The following LRRC8C variants were observed in gnomAD, a reference collection of about 807,000 sequenced individuals.
LRRC8C encodes the protein volume-regulated anion channel subunit LRRC8C.
Under a neutral mutation model 55.3 loss-of-function variants are expected in LRRC8C, and 20 were observed. The ratio of observed to expected loss-of-function variants is 0.36; its 90% CI spans 0.25 to 0.53. LRRC8C has a LOEUF of 0.53. LRRC8C is among the 20% of genes least tolerant of loss of function. The pLI is 0.92. For synonymous variants in LRRC8C, 376 were observed against 360.7 expected (o/e 1.04, Z -0.48); for missense variants, 659 against 951.4 (o/e 0.69, Z 4.04).
At chr1:89,627,709 C>T in the LRRC8C span, among the ~76,000 whole-genome samples, 2 of 152,206 alleles carry the variant, frequency 1.3e-5, no homozygotes, top group African/African-American at 4.8e-5. Context: ...AACTCTTCTA[C>T]TCACTGATTA....
rs964606884 is a variant in LRRC8C at position 89,719,402 on chromosome 1, A to G, written c.*4420A>G. 1 of 151,854 alleles carries G rather than the reference A, an allele frequency of 6.6e-6. No homozygotes were observed. Among genetic ancestry groups the G allele is most frequent in the African/African-American group, 2.4e-5 (1 of 41,332 alleles). The allele number at this position is 151,854 out of a possible 1,614,324, so 9.4% of individuals were successfully genotyped here. A position where few individuals can be genotyped will look rare whatever the true frequency, so the allele number is the denominator to read the frequency against. On this transcript the variant is annotated 3_prime_UTR_variant, in exon 3 of 3. Transcript: ENST00000370454. ...TGTATGTATGTCAAAAGCTGGCAAA[A>G]CCTCTAAAACTGTCAAGAAAATGCT... is the stretch of plus-strand genomic sequence containing the variant.
rs528414517 is a variant in LRRC8C at position 89,718,021 on chromosome 1, A to G, written c.*3039A>G. On this transcript the variant is annotated 3_prime_UTR_variant, in exon 3 of 3. Coordinates refer to ENST00000370454, the MANE Select transcript of LRRC8C (RefSeq NM_032270.5). ...TGATGGCCTGGTTGAAAGAGAGCATATAAATATATCCCAGTGGAACTCACC... is the reference window on the plus strand; with the variant it reads ...TGATGGCCTGGTTGAAAGAGAGCATGTAAATATATCCCAGTGGAACTCACC... The G allele has an allele frequency of 2.6e-5, 4 of 152,342 alleles. No homozygotes were observed. The highest frequency in any genetic ancestry group is 9.6e-5 in the African/African-American group (4 of 41,592). The allele number at this position is 152,342 out of a possible 1,614,324, so 9.4% of individuals were successfully genotyped here.
upstream of LRRC8C, among the ~76,000 whole-genome samples, chr1:89,628,622 T>TGATCCAGCAAGGGGAATGGGGA (rs1656033598): frequency 1.3e-5 from 2 of 152,202 alleles, no homozygotes; most frequent in African/African-American, 4.8e-5. Flanking sequence ...AAAAGGGGTA[T>TGATCCAGCAAGGGGAATGGGGA]GATCCAGCAA....
intron 1 of LRRC8C, among the ~76,000 whole-genome samples, chr1:89,655,994 A>G (rs1184018992): frequency 1.3e-5 from 2 of 152,230 alleles, no homozygotes; most frequent in Non-Finnish European, 2.9e-5. Flanking sequence ...ATTATTACGT[A>G]AAAAGGAGAG....
rs774611099 is a variant in LRRC8C, at chr1:89,713,497, T to C, written c.927T>C (p.Asn309=). Residue 309 remains asparagine, a synonymous_variant, in exon 3 of 3, where the codon AAT becomes AAC. Transcript: ENST00000370454. This position sits in a 1 kb window ranked among gnomAD's most constrained non-coding sequence, Gnocchi z 5.2. Reference sequence around the variant, plus strand: ...CTGGATATAAAAACTTTTCTTGCAATCATACCATGGCACACTTGTTCTCAA... The same window carrying C: ...CTGGATATAAAAACTTTTCTTGCAACCATACCATGGCACACTTGTTCTCAA... ...DMTGYKNFSC[N]HTMAHLFSKL... is the part of the protein sequence containing the mutation. 3.0e-5 allele frequency: 48 copies of C among 1,614,066 alleles called. No homozygotes were observed. Among genetic ancestry groups the C allele is most frequent in the African/African-American group, 4.0e-5 (3 of 74,946 alleles).
chr1:89,665,311 C>T (rs1411192819), intron 1 of LRRC8C, among the ~76,000 whole-genome samples: 2 of 152,126 alleles, frequency 1.3e-5, no homozygotes, highest in Admixed American at 6.5e-5. Context: ...TCCATTAATA[C>T]CTAGTTTATT....
chr1:89,616,212 C>G, the LRRC8C span, among the ~76,000 whole-genome samples: 4 of 152,140 alleles, frequency 2.6e-5, no homozygotes, highest in East Asian at 1.9e-4. Context: ...GACAAACAGA[C>G]AGTAATGCAG....
intron 2 of LRRC8C, among the ~76,000 whole-genome samples, chr1:89,707,279 C>T (rs4658312): frequency 0.32 from 48,352 of 151,914 alleles, 8,770 homozygotes; most frequent in South Asian, 0.45. Flanking sequence ...TGGTGGCACA[C>T]ACCTGTAGTC....
At chr1:89,633,739 T>A (rs1656201869) in intron 1 of LRRC8C, among the ~76,000 whole-genome samples, 1 of 152,166 alleles carries the variant, frequency 6.6e-6, no homozygotes, top group Non-Finnish European at 1.5e-5. Context: ...TTCCGGTCTA[T>A]CACCCCCCTG....
intron 1 of LRRC8C, among the ~76,000 whole-genome samples, chr1:89,674,989 A>G (rs1315604402): frequency 1.3e-5 from 2 of 152,206 alleles, no homozygotes; most frequent in African/African-American, 2.4e-5. Context: ...CCCCTATTTA[A>G]CAAAAACAAA....
intron 1 of LRRC8C, among the ~76,000 whole-genome samples, chr1:89,650,908 G>A (rs1656754598): frequency 6.6e-6 from 1 of 152,110 alleles, no homozygotes; most frequent in African/African-American, 2.4e-5. Flanking sequence ...AGCTCTCCAA[G>A]CTCTCAACTT....
chr1:89,645,296 C>T (rs943593402), intron 1 of LRRC8C, among the ~76,000 whole-genome samples: 2 of 151,412 alleles, frequency 1.3e-5, no homozygotes, highest in East Asian at 1.9e-4. Context: ...AGAATTTGAA[C>T]ATGTATTGAT....
At chr1:89,682,478 G>T (rs888835751) in intron 1 of LRRC8C, among the ~76,000 whole-genome samples, 7 of 152,136 alleles carry the variant, frequency 4.6e-5, no homozygotes, top group African/African-American at 1.7e-4. Flanking sequence ...CTCTACCTCG[G>T]TTCTCAAAGT....
Position 89,713,529 on chromosome 1 carries a change from C to G in LRRC8C, c.959C>G (p.Ser320Cys). Residue 320 changes from serine to cysteine, a missense_variant, in exon 3 of 3, where the codon TCC (serine) becomes TGC (cysteine). This residue lies in a region of LRRC8C where 200 missense variants were observed against 360.5 expected (regional missense o/e 0.55). Transcript: ENST00000370454. The surrounding 1 kb of genome is among the most constrained non-coding windows in gnomAD (Gnocchi z 5.2). ...HTMAHLFSKL[S>C]FCYLCFVSIY... ...ATGGCACACTTGTTCTCAAAACTGT[C>G]CTTTTGCTATCTGTGCTTTGTTAGT... 6.2e-7 allele frequency: 1 copy of G among 1,614,118 alleles called. No homozygotes were observed. The highest frequency in any genetic ancestry group is 8.5e-7 in the Non-Finnish European group (1 of 1,180,008).
chr1:89,626,723 G>A, the LRRC8C span: 1 of 152,104 alleles, frequency 6.6e-6, no homozygotes, highest in Admixed American at 6.5e-5. Flanking sequence ...GAGTATAGAA[G>A]CTTCTGTATC....
At position 89,671,934 on chromosome 1, in the gene LRRC8C, T is replaced by G. The variant is rs72961852; in HGVS notation, c.-4-14536T>G. ...CTTGTGACTTTTTGCCAGTTCCATC[T>G]AAGAGCATGTCATGTGTTGCCCTCC... On this transcript the variant is annotated intron_variant, in intron 1 of 2. Transcript: ENST00000370454. Among the ~76,000 whole-genome samples the G allele has an allele frequency of 6.1e-3, 925 of 152,338 alleles. 7 individuals are homozygous for G. Among genetic ancestry groups the G allele is most frequent in the African/African-American group, 0.022 (896 of 41,580 alleles).
intron 2 of LRRC8C, among the ~76,000 whole-genome samples, chr1:89,701,339 G>A (rs947571990): frequency 1.3e-5 from 2 of 152,060 alleles, no homozygotes; most frequent in African/African-American, 4.8e-5. Flanking sequence ...AGCCGGGCGT[G>A]GTGGTGGGCA....
intron 1 of LRRC8C, among the ~76,000 whole-genome samples, chr1:89,658,337 G>A (rs139614066): frequency 1.1e-4 from 17 of 152,098 alleles, no homozygotes; most frequent in Non-Finnish European, 1.5e-4. Flanking sequence ...TAACTTATTC[G>A]GGTGTGTTTG....
intron 2 of LRRC8C, among the ~76,000 whole-genome samples, chr1:89,705,442 T>C (rs1293166376): frequency 6.6e-6 from 1 of 151,536 alleles, no homozygotes. Flanking sequence ...TAAAGAAATT[T>C]AGGGATTAAC....
Sources: allele counts gnomAD v4.1 joint callset (sites outside exome capture counted in the v4.1 genomes callset), GRCh38; gene constraint gnomAD v4.1.1; regional missense constraint gnomAD v4.1.1; non-coding constraint Gnocchi (gnomAD v3.1); transcripts MANE v1.5; gene names NCBI Gene and HGNC (gene_info 2026-07-23, HGNC 2026-07-21).